ZNF407: variants seen among roughly 807,000 people sequenced by gnomAD.
ZNF407 encodes zinc finger protein 407.
ZNF407 carries 17 observed loss-of-function variants against 131.2 expected under a neutral mutation model. The ratio of observed to expected loss-of-function variants is 0.13; its 90% CI spans 0.09 to 0.19. The LOEUF is 0.19. Among genes scored for constraint, ZNF407 ranks in the 10% least tolerant of loss-of-function variants. The probability of loss-of-function intolerance (pLI) is 1.00; values close to 1 mark genes in which losing one functional copy is unlikely to be tolerated. For missense variants in ZNF407, 2,681 were observed against 2,830.6 expected, an observed-to-expected ratio of 0.95 and a Z score of 1.20; for synonymous variants, 1,156 against 1,062.0, an observed-to-expected ratio of 1.09 and a Z score of -1.72.
At chr18:74,899,285 G>T (rs79263638) in intron 7 of ZNF407, among the ~76,000 whole-genome samples, 1 of 152,170 alleles carries the variant, frequency 6.6e-6, no homozygotes, top group East Asian at 1.9e-4. Context: ...AAAGGTACAC[G>T]CAGAAAATCA....
Position 74,682,950 on chromosome 18 carries a change from C to T in ZNF407, c.4802+41828C>T, listed in dbSNP as rs116894851. On this transcript the variant is annotated intron_variant, in intron 3 of 8. Transcript: ENST00000299687. ...TGCACACTTGTGTCTGGAAGAGATA[C>T]GCGGCAGGTTCTTTTTCTGGTTTTG... Among the ~76,000 whole-genome samples the T allele has an allele frequency of 2.6e-3, 398 of 152,272 alleles. 1 individual carries two copies. The highest frequency in any genetic ancestry group is 4.8e-3 in the Non-Finnish European group (326 of 68,028).
chr18:75,043,294 C>A (rs1045764518), intron 8 of ZNF407, among the ~76,000 whole-genome samples: 3 of 152,168 alleles, frequency 2.0e-5, no homozygotes, highest in Non-Finnish European at 2.9e-5. Flanking sequence ...TTCATGTATC[C>A]ATGTGTAAAT....
intron 3 of ZNF407, among the ~76,000 whole-genome samples, chr18:74,717,520 G>T (rs1568180590): frequency 1.3e-5 from 2 of 152,142 alleles, no homozygotes; most frequent in Admixed American, 6.5e-5. Flanking sequence ...AACAATCTGT[G>T]AGATATGAGA....
At chr18:74,623,219 CGT>C (rs1983629671) in intron 1 of ZNF407, among the ~76,000 whole-genome samples, 2 of 148,440 alleles carry the variant, frequency 1.3e-5, no homozygotes, top group South Asian at 4.3e-4. Flanking sequence ...TATGTGACTG[CGT>C]GTGTGAGTGC....
chr18:74,615,624 C>G (rs1313455556), intron 1 of ZNF407, among the ~76,000 whole-genome samples: 1 of 152,212 alleles, frequency 6.6e-6, no homozygotes. Flanking sequence ...AAAGGAATGG[C>G]AGATTATGGA....
chr18:74,768,841 A>G (rs919146654), intron 3 of ZNF407, among the ~76,000 whole-genome samples: 1 of 152,112 alleles, frequency 6.6e-6, no homozygotes, highest in Non-Finnish European at 1.5e-5. Context: ...GCTAAATTTC[A>G]TCACTATTTA....
intron 3 of ZNF407, among the ~76,000 whole-genome samples, chr18:74,765,612 G>A (rs1210181065): frequency 6.6e-6 from 1 of 152,102 alleles, no homozygotes; most frequent in East Asian, 1.9e-4. Flanking sequence ...TTCTTTCTGT[G>A]TTTTGTCGTG....
chr18:74,841,953 A>G (rs1970640033), intron 4 of ZNF407, among the ~76,000 whole-genome samples: 1 of 152,204 alleles, frequency 6.6e-6, no homozygotes, highest in Non-Finnish European at 1.5e-5. Flanking sequence ...CTTTTTCGTG[A>G]AAATTTACAT....
At chr18:75,041,469 A>G (rs926147088) in intron 8 of ZNF407, among the ~76,000 whole-genome samples, 1 of 151,934 alleles carries the variant, frequency 6.6e-6, no homozygotes. Flanking sequence ...ACACACACAC[A>G]CTCACACACA....
chr18:74,978,563 G>T (rs1174683119), intron 8 of ZNF407, among the ~76,000 whole-genome samples: 1 of 151,926 alleles, frequency 6.6e-6, no homozygotes, highest in Admixed American at 6.6e-5. Flanking sequence ...AGGAAGACGG[G>T]TTGCAGATGA....
At chr18:74,723,420 A>T (rs935876147) in intron 3 of ZNF407, among the ~76,000 whole-genome samples, 1 of 152,180 alleles carries the variant, frequency 6.6e-6, no homozygotes, top group African/African-American at 2.4e-5. Context: ...ATATTGTTTC[A>T]AAGACTGGGT....
intron 3 of ZNF407, among the ~76,000 whole-genome samples, chr18:74,676,707 T>C (rs189856849): frequency 1.3e-5 from 2 of 152,194 alleles, no homozygotes; most frequent in Admixed American, 6.5e-5. Context: ...ATGCTGGGAT[T>C]ACAGACGTGA....
chr18:74,635,559 C>G lies in ZNF407; in HGVS notation c.4540C>G (p.Arg1514Gly). 6.2e-7 allele frequency: 1 copy of G among 1,613,676 alleles called. No individual in the cohort carries two copies. The highest frequency in any genetic ancestry group is 8.5e-7 in the Non-Finnish European group (1 of 1,179,774). ...HIKGQHEELL[R>G]EVNKYIVEDT... ...TAAAGGACAGCATGAGGAATTGCTG[C>G]GGGAGGTGAATAAGTATATAGTGGA... Residue 1514 changes from arginine (R) to glycine (G), a missense_variant, in exon 2 of 9, where the codon CGG (arginine) becomes GGG (glycine). Physicochemically the swap from Arg to Gly is moderately radical, Grantham distance 125. This residue lies in a region of ZNF407 where 213 missense variants were observed against 332.2 expected (regional missense o/e 0.64). Coordinates refer to ENST00000299687, the MANE Select transcript of ZNF407 (RefSeq NM_017757.3). This position sits in a 1 kb window ranked among gnomAD's most constrained non-coding sequence, Gnocchi z 4.7.
At chr18:74,986,769 A>G (rs1972657087) in intron 8 of ZNF407, among the ~76,000 whole-genome samples, 2 of 152,154 alleles carry the variant, frequency 1.3e-5, no homozygotes, top group African/African-American at 4.8e-5. Flanking sequence ...ACGCACACAC[A>G]CTTTTCGATG....
chr18:74,769,277 T>G (rs1281737241), intron 3 of ZNF407, among the ~76,000 whole-genome samples: 2 of 152,240 alleles, frequency 1.3e-5, no homozygotes, highest in Non-Finnish European at 2.9e-5. Flanking sequence ...GTGTGTATTT[T>G]AATTCCTGTT....
chr18:74,877,637 A>G (rs1025371999), intron 5 of ZNF407, among the ~76,000 whole-genome samples: 3 of 152,190 alleles, frequency 2.0e-5, no homozygotes, highest in Admixed American at 1.3e-4. Flanking sequence ...ATGTATGTGT[A>G]TATATATATT....
At chr18:74,881,312 C>T (rs1209178927) in intron 6 of ZNF407, among the ~76,000 whole-genome samples, 193 bp downstream of exon 6, 1 of 152,152 alleles carries the variant, frequency 6.6e-6, no homozygotes, top group African/African-American at 2.4e-5. Flanking sequence ...GAAATGTAGA[C>T]ATATTCCATA....
intron 3 of ZNF407, among the ~76,000 whole-genome samples, chr18:74,690,444 T>A (rs1418269736): frequency 8.3e-6 from 1 of 120,410 alleles, no homozygotes; most frequent in African/African-American, 2.5e-5. Flanking sequence ...TTTTTTGTTT[T>A]TTTGGGGGTT....
At chr18:74,837,613 CT>C (rs11445349) in intron 4 of ZNF407, among the ~76,000 whole-genome samples, 28 of 148,394 alleles carry the variant, frequency 1.9e-4, no homozygotes, top group East Asian at 3.9e-4. Flanking sequence ...TGCTGAAGGG[CT>C]TTTTTTTTTC....
Sources: allele counts gnomAD v4.1 joint callset (sites outside exome capture counted in the v4.1 genomes callset), GRCh38; gene constraint gnomAD v4.1.1; regional missense constraint gnomAD v4.1.1; non-coding constraint Gnocchi (gnomAD v3.1); transcripts MANE v1.5; gene names NCBI Gene and HGNC (gene_info 2026-07-23, HGNC 2026-07-21).